KCNQ2: variants seen among roughly 807,000 people sequenced by gnomAD.
KCNQ2 encodes the protein potassium voltage-gated channel subfamily KQT member 2.
In KCNQ2, 14 loss-of-function variants were observed where a neutral mutation model predicts 84.8. That is an observed-to-expected ratio of 0.17 (90% CI 0.11 to 0.26). The LOEUF is 0.26. Among genes scored for constraint, KCNQ2 ranks in the 10% least tolerant of loss-of-function variants. KCNQ2 has a pLI of 1.00. For synonymous variants in KCNQ2, 599 were observed against 554.1 expected (o/e 1.08, Z -1.14); for missense variants, 788 against 1,254.0 (o/e 0.63, Z 5.61).
chr20:63,406,932 G>C lies in KCNQ2; in HGVS notation c.2331C>G (p.Pro777=). The C allele has an allele frequency of 1.3e-6, 2 of 1,599,708 alleles. No individual in the cohort carries two copies. The highest frequency in any genetic ancestry group is 1.1e-5 in the South Asian group (1 of 89,856). The change falls in exon 17 of 17, where the codon CCC becomes CCG. Residue 777 remains proline (P), a synonymous_variant. Coordinates refer to ENST00000359125, the MANE Select transcript of KCNQ2 (RefSeq NM_172107.4). ...RQEDTPGCRP[P]EGNLRDSDTS... ...TGTCGCTGTCCCGCAGGTTCCCCTC[G>C]GGGGGCCTGCAGCCCGGGGTGTCCT...
At chr20:63,442,322 G>A (rs1361070689) in intron 5 of KCNQ2, 84 bp downstream of exon 5, 4 of 1,604,460 alleles carry the variant, frequency 2.5e-6, no homozygotes, top group Non-Finnish European at 2.6e-6. Context: ...TATGGAGCAG[G>A]CTCAGCCAGT....
intron 5 of KCNQ2, 141 bp from the exon 6 acceptor site, chr20:63,439,849 G>A: frequency 2.8e-6 from 2 of 717,616 alleles, no homozygotes; most frequent in Middle Eastern, 3.1e-4. Flanking sequence ...GAGGCCCAGT[G>A]AGGCCAGGGT....
chr20:63,434,327 A>G, intron 7 of KCNQ2: 1 of 192,450 alleles, frequency 5.2e-6, no homozygotes, highest in African/African-American at 2.3e-5. Flanking sequence ...TCAGCCTCCA[A>G]CCTCCCAGGG....
rs2080010878 is a variant in KCNQ2 at position 63,408,315 on chromosome 20, C to T, written c.1887+98G>A. 1 of 1,485,816 alleles carries T rather than the reference C, an allele frequency of 6.7e-7. No homozygotes were observed. Among genetic ancestry groups the T allele is most frequent in the African/African-American group, 1.4e-5 (1 of 72,426 alleles). The allele number at this position is 1,485,816 out of a possible 1,614,324, so 92.0% of individuals were successfully genotyped here. On this transcript the variant is annotated intron_variant, in intron 16 of 16. Transcript: ENST00000359125. This position sits in a 1 kb window ranked among gnomAD's most constrained non-coding sequence, Gnocchi z 5.0. ...ATGTAAACCCTAGACTTGAGGAGCC[C>T]TCCGTGGCACCCAGCCCCTGAAGCC...
chr20:63,426,691 G>A (rs559883154), intron 10 of KCNQ2, among the ~76,000 whole-genome samples: 14 of 152,060 alleles, frequency 9.2e-5, no homozygotes, highest in African/African-American at 1.9e-4. Flanking sequence ...CAACAGTAGC[G>A]CACAGCCCAG....
At chr20:63,441,740 C>G (rs1009231780) in intron 5 of KCNQ2, among the ~76,000 whole-genome samples, 1 of 152,224 alleles carries the variant, frequency 6.6e-6, no homozygotes, top group African/African-American at 2.4e-5. Flanking sequence ...CAAGCCCCGA[C>G]TGGGAAGACA....
At chr20:63,465,244 A>T (rs2082050974) in intron 1 of KCNQ2, among the ~76,000 whole-genome samples, 1 of 152,220 alleles carries the variant, frequency 6.6e-6, no homozygotes, top group Non-Finnish European at 1.5e-5. Flanking sequence ...CAAAAAGTCT[A>T]ACCCTCCATT....
rs2080896610 is a variant in KCNQ2, at chr20:63,433,692, T to C, written c.1118+117A>G. On this transcript the variant is annotated intron_variant, in intron 8 of 16. Transcript: ENST00000359125. ...ACACACAGAACTCCTTTGTGAAAAA[T>C]ACATTTTAAAGAAAAAAAATCAATC... 4.4e-6 allele frequency: 7 copies of C among 1,584,034 alleles called. No individual in the cohort carries two copies. The South Asian group carries it at 5.5e-5, about 13-fold the overall frequency.
chr20:63,423,228 G>A (rs2080526760), intron 11 of KCNQ2, among the ~76,000 whole-genome samples: 2 of 152,304 alleles, frequency 1.3e-5, no homozygotes, highest in South Asian at 4.1e-4. Flanking sequence ...GTGGGATGTG[G>A]GGTGGCTGGA....
intron 9 of KCNQ2, among the ~76,000 whole-genome samples, chr20:63,429,271 C>G (rs569142934): frequency 6.6e-6 from 1 of 151,664 alleles, no homozygotes; most frequent in East Asian, 1.9e-4. Flanking sequence ...GGGCCTCCCC[C>G]ACCCGGCTCC....
At chr20:63,443,039 CCAT>C (rs1459949321) in intron 4 of KCNQ2, among the ~76,000 whole-genome samples, 2 of 25,610 alleles carry the variant, frequency 7.8e-5, no homozygotes. Flanking sequence ...ATCACCACCA[CCAT>C]CACCATCATC....
At position 63,425,404 on chromosome 20, in the gene KCNQ2, G is replaced by A. The variant is rs1224814565; in HGVS notation, c.1218-1198C>T. ...ATCTCCACCCTCTGCAGCATGGACT[G>A]TGTGTCCAAAACCTCATCGAAATCC... On this transcript the variant is annotated intron_variant, in intron 10 of 16. Transcript: ENST00000359125. This position sits in a 1 kb window ranked among gnomAD's most constrained non-coding sequence, Gnocchi z 5.5. Among the ~76,000 whole-genome samples the A allele has an allele frequency of 6.6e-6, 1 of 152,096 alleles. No individual in the cohort carries two copies. The highest frequency in any genetic ancestry group is 1.5e-5 in the Non-Finnish European group (1 of 68,016).
At chr20:63,471,412 G>C (rs2082210856) in intron 1 of KCNQ2, among the ~76,000 whole-genome samples, 1 of 152,242 alleles carries the variant, frequency 6.6e-6, no homozygotes, top group African/African-American at 2.4e-5. Context: ...AGAGGGGACA[G>C]CCCCTTCCAG....
rs372442974 is a variant in KCNQ2, at chr20:63,438,646, G to A, written c.1002C>T (p.Asn334=). ...HRQKHFEKRR[N]PAAGLIQSAW... ...TCACCTGGATCAGGCCTGCTGCCGG[G>A]TTCCGCCTCTTCTCAAAGTGCTTCT... Residue 334 remains asparagine, a synonymous_variant, in exon 7 of 17, where the codon AAC becomes AAT. Coordinates refer to ENST00000359125, the MANE Select transcript of KCNQ2 (RefSeq NM_172107.4). The surrounding 1 kb of genome is among the most constrained non-coding windows in gnomAD (Gnocchi z 5.1). The A allele has an allele frequency of 1.9e-6, 3 of 1,613,726 alleles. No individual in the cohort carries two copies. Among genetic ancestry groups the A allele is most frequent in the South Asian group, 2.2e-5 (2 of 91,084 alleles).
rs555540385 is a variant in KCNQ2 at position 63,401,160 on chromosome 20, A to G, written c.*5484T>C. On this transcript the variant is annotated 3_prime_UTR_variant, in exon 17 of 17. Transcript: ENST00000359125. ...CGGCAAGTGTCCAAGCCCAGAGCAC[A>G]CTCAACTCCACCCCACAAACGCCTT... 1 of 331,110 alleles carries G rather than the reference A, an allele frequency of 3.0e-6. No homozygotes were observed. Among genetic ancestry groups the G allele is most frequent in the African/African-American group, 2.1e-5 (1 of 47,046 alleles). The allele number at this position is 331,110 out of a possible 1,614,324, so 20.5% of individuals were successfully genotyped here.
rs1470889911 is a variant in KCNQ2, at chr20:63,442,597, ACAC to A, written c.691-69_691-67del. On this transcript the variant is annotated intron_variant, in intron 4 of 16. Coordinates refer to ENST00000359125, the MANE Select transcript of KCNQ2 (RefSeq NM_172107.4). ...AGAAGCATCACCATCACCACCACCA[ACAC>A]CACCACCATCACATCAACACCATGA... is the stretch of plus-strand genomic sequence containing the variant. 4.8e-4 allele frequency: 692 copies of A among 1,451,534 alleles called. 3 individuals carry two copies. Among genetic ancestry groups the A allele is most frequent in the South Asian group, 6.9e-4 (60 of 87,224 alleles). The allele number at this position is 1,451,534 out of a possible 1,614,324, so 89.9% of individuals were successfully genotyped here. A position where few individuals can be genotyped will look rare whatever the true frequency, so the allele number is the denominator to read the frequency against.
intron 7 of KCNQ2, among the ~76,000 whole-genome samples, chr20:63,435,548 C>A (rs188087873): frequency 5.9e-5 from 9 of 152,290 alleles, no homozygotes; most frequent in African/African-American, 2.2e-4. Flanking sequence ...CTGCAGACAG[C>A]AGGGTAAGGT....
intron 1 of KCNQ2, among the ~76,000 whole-genome samples, chr20:63,455,347 T>C (rs2081750944): frequency 6.6e-6 from 1 of 151,472 alleles, no homozygotes; most frequent in South Asian, 2.1e-4. Flanking sequence ...GCAGGGAGGA[T>C]CCACAGAGCC....
At chr20:63,443,805 A>G (rs1352382405) in intron 4 of KCNQ2, 1 of 152,286 alleles carries the variant, frequency 6.6e-6, no homozygotes, top group Non-Finnish European at 1.5e-5. Context: ...TAGCTACGGC[A>G]GCCCATTCCC....
Sources: gnomAD v4.1 joint callset for allele counts (sites outside exome capture counted in the v4.1 genomes callset) on GRCh38, gnomAD v4.1.1 for gene constraint, Gnocchi (gnomAD v3.1) non-coding constraint, MANE v1.5 for transcripts, NCBI Gene and HGNC (gene_info 2026-07-23, HGNC 2026-07-21) for gene names.